NRXN1: variants seen among roughly 807,000 people sequenced by gnomAD.
NRXN1 encodes neurexin-1.
A neutral mutation model predicts 150.9 loss-of-function variants in NRXN1; 39 were observed. That is an observed-to-expected ratio of 0.26 (90% CI 0.20 to 0.34). The LOEUF (loss-of-function observed/expected upper bound fraction) is 0.34, where lower values mean the gene tolerates loss of function less well. Among genes scored for constraint, NRXN1 ranks in the 10% least tolerant of loss-of-function variants. The probability of loss-of-function intolerance (pLI) is 1.00; values close to 1 mark genes in which losing one functional copy is unlikely to be tolerated. For missense variants in NRXN1, 1,815 were observed against 1,949.9 expected (o/e 0.93, Z 1.30); for synonymous variants, 924 against 757.0 (o/e 1.22, Z -3.62).
intron 19 of NRXN1, among the ~76,000 whole-genome samples, chr2:50,072,835 C>T (rs1007181664): frequency 5.9e-5 from 9 of 152,260 alleles, no homozygotes; most frequent in African/African-American, 1.9e-4. Flanking sequence ...AAGTGGATGA[C>T]GGCATCAGCT....
intron 17 of NRXN1, among the ~76,000 whole-genome samples, chr2:50,406,137 T>G (rs969643520): frequency 6.6e-6 from 1 of 152,104 alleles, no homozygotes; most frequent in Non-Finnish European, 1.5e-5. Context: ...ATATCATGCT[T>G]TTCCAATGTT....
chr2:50,373,669 A>AAGAAAAGAAAGAAG (rs1156301635), intron 17 of NRXN1, among the ~76,000 whole-genome samples: 32 of 114,596 alleles, frequency 2.8e-4, no homozygotes, highest in African/African-American at 1.1e-3. Context: ...AAAGAAAGAA[A>AAGAAAAGAAAGAAG]GAAAGAAAGA....
chr2:50,351,571 C>T (rs910430450), intron 17 of NRXN1, among the ~76,000 whole-genome samples: 18 of 152,072 alleles, frequency 1.2e-4, no homozygotes, highest in African/African-American at 4.1e-4. Flanking sequence ...GAACACGCCT[C>T]ACTTCTACAT....
At chr2:50,064,541 A>C (rs1384297128) in intron 19 of NRXN1, among the ~76,000 whole-genome samples, 1 of 152,042 alleles carries the variant, frequency 6.6e-6, no homozygotes, top group African/African-American at 2.4e-5. Context: ...TACAAGAAAC[A>C]GTCTTGGACT....
At chr2:50,157,449 C>T (rs1004009672) in intron 18 of NRXN1, among the ~76,000 whole-genome samples, 4 of 151,880 alleles carry the variant, frequency 2.6e-5, no homozygotes, top group South Asian at 2.1e-4. Flanking sequence ...TCCAGGAATA[C>T]GTATTTTATT....
intron 17 of NRXN1, among the ~76,000 whole-genome samples, chr2:50,374,064 G>A (rs1216659245): frequency 8.5e-6 from 1 of 117,778 alleles, no homozygotes; most frequent in Non-Finnish European, 1.6e-5. Flanking sequence ...TTGGGAGGCC[G>A]AGGTGGGGAG....
rs1029184462 is a variant in NRXN1 at position 50,623,309 on chromosome 2, G to A, written c.1134+5C>T. The A allele has an allele frequency of 1.2e-6, 2 of 1,610,540 alleles. No homozygotes were observed. Among genetic ancestry groups the A allele is most frequent in the Non-Finnish European group, 1.7e-6 (2 of 1,177,356 alleles). ...CAGTTACTCTCTTATCCACTGCGCT[G>A]TTACCTGACGCAGATTCCTGGTGAC... is the stretch of plus-strand genomic sequence containing the variant. On this transcript the variant is annotated splice_donor_5th_base_variant and intron_variant, in intron 6 of 22. Coordinates refer to ENST00000401669, the MANE Select transcript of NRXN1 (RefSeq NM_001330078.2).
chr2:50,612,233 C>T (rs1457227952), intron 8 of NRXN1, among the ~76,000 whole-genome samples: 1 of 131,064 alleles, frequency 7.6e-6, no homozygotes, highest in Non-Finnish European at 1.7e-5. Flanking sequence ...TTTATGTGTA[C>T]CTCTTTTCAT....
intron 20 of NRXN1, among the ~76,000 whole-genome samples, chr2:50,053,944 T>C (rs1693194987): frequency 6.6e-6 from 1 of 152,204 alleles, no homozygotes; most frequent in African/African-American, 2.4e-5. Flanking sequence ...AGACAACATT[T>C]CAAGTATTTG....
chr2:50,054,283 C>A (rs1325829883), intron 20 of NRXN1, among the ~76,000 whole-genome samples: 1 of 151,896 alleles, frequency 6.6e-6, no homozygotes, highest in Non-Finnish European at 1.5e-5. Flanking sequence ...AAAGCGGCTT[C>A]AGGAATGATA....
intron 3 of NRXN1, among the ~76,000 whole-genome samples, chr2:50,923,848 G>T (rs1686459677): frequency 6.6e-6 from 1 of 151,628 alleles, no homozygotes; most frequent in South Asian, 2.1e-4. Flanking sequence ...AATTTTAGGG[G>T]TATTCAAACA....
chr2:50,568,018 C>T (rs1264632676), intron 8 of NRXN1, among the ~76,000 whole-genome samples: 2 of 152,022 alleles, frequency 1.3e-5, no homozygotes, highest in African/African-American at 2.4e-5. Flanking sequence ...TCAGAAGAAA[C>T]TGAGCTCACA....
intron 19 of NRXN1, among the ~76,000 whole-genome samples, chr2:50,078,555 A>G (rs901148307): frequency 1.3e-5 from 2 of 151,274 alleles, no homozygotes; most frequent in East Asian, 1.9e-4. Context: ...TCCTTTTTCT[A>G]TTGCAGGATC....
intron 22 of NRXN1, among the ~76,000 whole-genome samples, chr2:49,925,589 G>A (rs1668973115): frequency 6.6e-6 from 1 of 151,998 alleles, no homozygotes; most frequent in Admixed American, 6.6e-5. Context: ...GAAAAAAAGA[G>A]AAACATAATT....
At chr2:50,370,159 A>G (rs577101084) in intron 17 of NRXN1, among the ~76,000 whole-genome samples, 1 of 152,018 alleles carries the variant, frequency 6.6e-6, no homozygotes, top group Non-Finnish European at 1.5e-5. Context: ...CTCTGCATGT[A>G]CATTGTCCCT....
intron 5 of NRXN1, among the ~76,000 whole-genome samples, chr2:50,671,626 A>G (rs902998517): frequency 6.6e-6 from 1 of 151,732 alleles, no homozygotes; most frequent in African/African-American, 2.4e-5. Flanking sequence ...TTTGTAGTAT[A>G]AGAAAGCATG....
At chr2:50,414,663 T>A (rs2083415055) in intron 17 of NRXN1, among the ~76,000 whole-genome samples, 1 of 151,976 alleles carries the variant, frequency 6.6e-6, no homozygotes, top group Non-Finnish European at 1.5e-5. Flanking sequence ...GTGTAGTAAG[T>A]CCCTCGGAAA....
intron 18 of NRXN1, among the ~76,000 whole-genome samples, chr2:50,150,523 C>T (rs1218312972): frequency 6.6e-6 from 1 of 151,802 alleles, no homozygotes; most frequent in Non-Finnish European, 1.5e-5. Context: ...AAGTATATTA[C>T]TGCTAAATGT....
chr2:50,220,724 G>C (rs1325793044), intron 18 of NRXN1, among the ~76,000 whole-genome samples: 1 of 151,892 alleles, frequency 6.6e-6, no homozygotes, highest in African/African-American at 2.4e-5. Context: ...TCTTATTTTA[G>C]CTTTAGAATG....
Sources: gnomAD v4.1 joint callset for allele counts (sites outside exome capture counted in the v4.1 genomes callset) on GRCh38, gnomAD v4.1.1 for gene constraint, MANE v1.5 for transcripts, NCBI Gene and HGNC (gene_info 2026-07-23, HGNC 2026-07-21) for gene names.